Variants in IGSF11 observed in about 807,000 individuals in gnomAD.
IGSF11 encodes CXADR like 1.
Under a neutral mutation model 41.0 loss-of-function variants are expected in IGSF11, and 22 were observed. That is an observed-to-expected ratio of 0.54 (90% CI 0.38 to 0.77). The LOEUF (loss-of-function observed/expected upper bound fraction) is 0.77, where lower values mean the gene tolerates loss of function less well. Among genes scored for constraint, IGSF11 ranks in the 30% least tolerant of loss-of-function variants. IGSF11 has a pLI of 0.00. For missense variants in IGSF11, 444 were observed against 530.8 expected, an observed-to-expected ratio of 0.84 and a Z score of 1.61; for synonymous variants, 219 against 201.3, an observed-to-expected ratio of 1.09 and a Z score of -0.74.
At chr3:118,931,611 A>G (rs1942858005) in intron 1 of IGSF11, among the ~76,000 whole-genome samples, 1 of 152,236 alleles carries the variant, frequency 6.6e-6, no homozygotes, top group African/African-American at 2.4e-5. Context: ...GAGACAGAAA[A>G]TAGATTAGTA....
chr3:119,138,974 T>C (rs565269362), intron 1 of IGSF11, among the ~76,000 whole-genome samples: 1 of 152,124 alleles, frequency 6.6e-6, no homozygotes, highest in African/African-American at 2.4e-5. Flanking sequence ...AGGGTTAGTA[T>C]AGAAAAAAAA....
chr3:119,023,405 C>CTATGGGAT (rs1429140117), intron 1 of IGSF11, among the ~76,000 whole-genome samples: 1 of 151,252 alleles, frequency 6.6e-6, no homozygotes, highest in Non-Finnish European at 1.5e-5. Context: ...TACAAATGGA[C>CTATGGGAT]TATGGGATCA....
At position 119,113,236 on chromosome 3, in the gene IGSF11, C is replaced by A. The variant is rs1366933460; in HGVS notation, c.-13-8031G>T. ...CATTTTCTTCTCCCATTTCATAATACAATTATGCCTTCCCAATAGTCCCCC... is the reference window on the plus strand; with the variant it reads ...CATTTTCTTCTCCCATTTCATAATAAAATTATGCCTTCCCAATAGTCCCCC... On this transcript the variant is annotated intron_variant, in intron 1 of 7. Coordinates refer to the IGSF11 transcript ENST00000425327. Among the ~76,000 whole-genome samples the A allele has an allele frequency of 4.6e-5, 7 of 152,290 alleles. No individual in the cohort carries two copies. The East Asian group carries it at 7.7e-4, about 17-fold the overall frequency.
At chr3:119,055,976 G>A (rs994193462) in intron 1 of IGSF11, among the ~76,000 whole-genome samples, 10 of 152,190 alleles carry the variant, frequency 6.6e-5, no homozygotes, top group African/African-American at 2.4e-4. Flanking sequence ...AAAGCAGTGT[G>A]TAGAGGGAAA....
At chr3:119,060,375 C>A (rs1446454225) in intron 1 of IGSF11, among the ~76,000 whole-genome samples, 1 of 152,060 alleles carries the variant, frequency 6.6e-6, no homozygotes, top group Non-Finnish European at 1.5e-5. Flanking sequence ...AAAAAACAAC[C>A]CTGAGAAGAA....
At chr3:119,040,972 A>G (rs1941097159) in intron 1 of IGSF11, among the ~76,000 whole-genome samples, 1 of 152,226 alleles carries the variant, frequency 6.6e-6, no homozygotes, top group African/African-American at 2.4e-5. Context: ...AATATTTTAT[A>G]TTGAAATCTG....
chr3:119,111,138 G>A (rs1251433464), intron 1 of IGSF11, among the ~76,000 whole-genome samples: 1 of 152,128 alleles, frequency 6.6e-6, no homozygotes, highest in Non-Finnish European at 1.5e-5. Flanking sequence ...ATGTTGGCCT[G>A]CCTTGCTAGA....
At chr3:119,054,211 C>T (rs1415589367) in intron 1 of IGSF11, among the ~76,000 whole-genome samples, 1 of 152,140 alleles carries the variant, frequency 6.6e-6, no homozygotes, top group East Asian at 1.9e-4. Context: ...AAGAAATAAT[C>T]AGCAGAGTAA....
chr3:118,904,641 T>C lies in IGSF11; in HGVS notation c.854+7A>G, dbSNP rs767829105. The C allele has an allele frequency of 1.9e-6, 3 of 1,603,412 alleles. No individual in the cohort carries two copies. The Admixed American group carries it at 5.1e-5, about 27-fold the overall frequency. ...CAGGACAAATTTTAAAAATCTGACA[T>C]ACAAACCTTATTTCATTAGGAATTT... On this transcript the variant is annotated splice_region_variant and intron_variant, in intron 6 of 6. Transcript: ENST00000393775.
intron 1 of IGSF11, among the ~76,000 whole-genome samples, chr3:119,097,850 G>A (rs2076878694): frequency 6.6e-6 from 1 of 151,742 alleles, no homozygotes; most frequent in South Asian, 2.1e-4. Flanking sequence ...GAGTGCAGTG[G>A]TGCAAACACA....
chr3:119,132,836 T>C (rs920423416), intron 1 of IGSF11, among the ~76,000 whole-genome samples: 1 of 151,968 alleles, frequency 6.6e-6, no homozygotes, highest in Non-Finnish European at 1.5e-5. Flanking sequence ...CCTCAGCAAA[T>C]GTAAAAAAAT....
chr3:119,106,687 T>C (rs1258590404), upstream of IGSF11, among the ~76,000 whole-genome samples: 1 of 152,132 alleles, frequency 6.6e-6, no homozygotes, highest in Non-Finnish European at 1.5e-5. Flanking sequence ...GCTGCACCCA[T>C]TAACTCGTCG....
At chr3:119,057,709 C>A (rs1300243045) in intron 1 of IGSF11, among the ~76,000 whole-genome samples, 1 of 152,218 alleles carries the variant, frequency 6.6e-6, no homozygotes, top group Non-Finnish European at 1.5e-5. Flanking sequence ...ATCACGCTAC[C>A]TGACTTCAAA....
intron 1 of IGSF11, among the ~76,000 whole-genome samples, chr3:118,963,466 T>C (rs1221502566): frequency 1.3e-5 from 2 of 152,230 alleles, no homozygotes; most frequent in East Asian, 3.8e-4. Context: ...CAATTCATTT[T>C]GATCATGTGA....
upstream of IGSF11, among the ~76,000 whole-genome samples, chr3:119,105,807 G>A (rs2077013293): frequency 6.6e-6 from 1 of 151,940 alleles, no homozygotes; most frequent in South Asian, 2.1e-4. Flanking sequence ...GATTCCTTTG[G>A]CCTACCACCA....
chr3:118,902,871 A>G lies in IGSF11; in HGVS notation c.945T>C (p.Asn315=), dbSNP rs759526910. The G allele has an allele frequency of 1.9e-6, 3 of 1,614,176 alleles. No individual in the cohort carries two copies. The Admixed American group carries it at 5.0e-5, about 27-fold the overall frequency. The part of the protein sequence containing the change: ...SSDNNTLTSS[N]AYNSRYWSNN... ...TGCTCCAGTATCGACTGTTGTAGGC[A>G]TTGGAAGAGGTTAGTGTGTTGTTGT... is the stretch of plus-strand genomic sequence containing the variant. The change falls in exon 7 of 7, where the codon AAT becomes AAC. Residue 315 remains asparagine, a synonymous_variant. Transcript: ENST00000393775.
chr3:119,002,231 A>G, intron 1 of IGSF11, among the ~76,000 whole-genome samples: 1 of 138,934 alleles, frequency 7.2e-6, no homozygotes, highest in Admixed American at 7.2e-5. Flanking sequence ...AGTGATGATG[A>G]GCATTTTTTC....
At chr3:118,956,297 G>A (rs1944954665) in intron 1 of IGSF11, among the ~76,000 whole-genome samples, 1 of 152,116 alleles carries the variant, frequency 6.6e-6, no homozygotes, top group South Asian at 2.1e-4. Flanking sequence ...GTGTTCACTG[G>A]AGTATCACTT....
chr3:118,935,155 T>C (rs1277341521), intron 1 of IGSF11, among the ~76,000 whole-genome samples: 3 of 150,902 alleles, frequency 2.0e-5, no homozygotes, highest in African/African-American at 7.3e-5. Context: ...AAGCACACCA[T>C]GGGAACTCAA....
Sources: gnomAD v4.1 joint callset for allele counts (sites outside exome capture counted in the v4.1 genomes callset) on GRCh38, gnomAD v4.1.1 for gene constraint, MANE v1.5 for transcripts, NCBI Gene and HGNC (gene_info 2026-07-23, HGNC 2026-07-21) for gene names.